Variants in SGCG observed in about 807,000 individuals in gnomAD.
SGCG encodes the protein sarcoglycan gamma.
In SGCG, 26 loss-of-function variants were observed where a neutral mutation model predicts 29.3. The ratio of observed to expected loss-of-function variants is 0.89; its 90% CI spans 0.65 to 1.23. The LOEUF is 1.23. SGCG is among the 50% of genes most tolerant of loss of function. The pLI is 0.00. For synonymous variants in SGCG, 145 were observed against 129.7 expected (o/e 1.12, Z -0.80); for missense variants, 353 against 356.0 (o/e 0.99, Z 0.07).
chr13:23,312,849 G>T (rs186010480), intron 6 of SGCG, among the ~76,000 whole-genome samples: 2 of 151,768 alleles, frequency 1.3e-5, no homozygotes, highest in Non-Finnish European at 2.9e-5. Flanking sequence ...CCAAAAACAT[G>T]TATTAGGTAA....
intron 2 of SGCG, among the ~76,000 whole-genome samples, chr13:23,230,965 A>G (rs962493940): frequency 2.6e-5 from 4 of 152,316 alleles, no homozygotes; most frequent in East Asian, 1.9e-4. Flanking sequence ...TGTTCCTTCA[A>G]TACTTAGTTT....
intron 6 of SGCG, among the ~76,000 whole-genome samples, chr13:23,299,779 C>T (rs1882080808): frequency 6.6e-6 from 1 of 152,058 alleles, no homozygotes; most frequent in African/African-American, 2.4e-5. Context: ...ATGGCAAAAT[C>T]ATTTGCAAGG....
intron 3 of SGCG, among the ~76,000 whole-genome samples, chr13:23,237,911 T>C (rs143748740): frequency 1.3e-5 from 2 of 151,814 alleles, no homozygotes; most frequent in Non-Finnish European, 2.9e-5. Context: ...CTCAAAGAGA[T>C]AAAGCTATTT....
intron 2 of SGCG, among the ~76,000 whole-genome samples, chr13:23,215,095 G>A (rs1878376907): frequency 6.6e-6 from 1 of 152,056 alleles, no homozygotes; most frequent in South Asian, 2.1e-4. Context: ...CCATATTACA[G>A]CAATTGGGAA....
chr13:23,218,817 T>A (rs1340433761), intron 2 of SGCG, among the ~76,000 whole-genome samples: 3 of 151,898 alleles, frequency 2.0e-5, no homozygotes, highest in African/African-American at 7.2e-5. Flanking sequence ...GAAATAAGTA[T>A]ATCCATTTGA....
rs34211778 is a variant in SGCG, at chr13:23,226,428, CA to C, written c.196-8173del. On this transcript the variant is annotated intron_variant, in intron 2 of 7. Transcript: ENST00000218867. ...CTGTATAATATCTGTAGGCTGAGAG[CA>C]AAAAAAAAACACTGATGAAAGACAT... Among the ~76,000 whole-genome samples the C allele has an allele frequency of 1.1e-3, 159 of 143,214 alleles. No individual in the cohort carries two copies. In the East Asian group the frequency reaches 0.023, roughly 21 times the overall value. The allele number at this position is 143,214 out of a possible 152,430, so 94.0% of individuals were successfully genotyped here. A position where few individuals can be genotyped will look rare whatever the true frequency, so the allele number is the denominator to read the frequency against.
intron 5 of SGCG, among the ~76,000 whole-genome samples, chr13:23,284,343 A>G (rs867054445): frequency 4.1e-4 from 63 of 151,862 alleles, no homozygotes; most frequent in Middle Eastern, 6.8e-3. Context: ...TTCATGCTTT[A>G]TTTGATTAAG....
chr13:23,257,651 G>A (rs570323160), intron 4 of SGCG, among the ~76,000 whole-genome samples: 2 of 152,216 alleles, frequency 1.3e-5, no homozygotes, highest in East Asian at 1.9e-4. Flanking sequence ...TATTGCCTAG[G>A]TTTTCTTCTA....
chr13:23,279,319 T>C (rs753050222), intron 4 of SGCG, 40 bp from the exon 5 acceptor site: 1 of 1,598,228 alleles, frequency 6.3e-7, no homozygotes, highest in Non-Finnish European at 8.6e-7. Flanking sequence ...GGACACTGCT[T>C]GTAGTGAACA....
the SGCG span, among the ~76,000 whole-genome samples, chr13:23,174,237 G>C: frequency 4.6e-5 from 7 of 152,158 alleles, no homozygotes; most frequent in Admixed American, 4.6e-4. Flanking sequence ...AGCTGTGGGA[G>C]CCTCAACCTG....
intron 6 of SGCG, among the ~76,000 whole-genome samples, chr13:23,307,830 C>G (rs900287727): frequency 6.6e-6 from 1 of 152,038 alleles, no homozygotes; most frequent in African/African-American, 2.4e-5. Context: ...TATTAAAATG[C>G]AGGCATTTAT....
intron 1 of SGCG, among the ~76,000 whole-genome samples, chr13:23,184,203 TA>T (rs1224360276): frequency 2.6e-5 from 4 of 152,216 alleles, no homozygotes; most frequent in Non-Finnish European, 5.9e-5. Flanking sequence ...CCACGTTTGA[TA>T]AAAAACTTAA....
At chr13:23,190,542 A>G (rs1382229856) in intron 1 of SGCG, among the ~76,000 whole-genome samples, 3 of 152,188 alleles carry the variant, frequency 2.0e-5, no homozygotes, top group African/African-American at 4.8e-5. Context: ...ACCTGCATAT[A>G]TTGGGGGTGC....
At chr13:23,213,641 T>A (rs1051416707) in intron 2 of SGCG, among the ~76,000 whole-genome samples, 3 of 152,246 alleles carry the variant, frequency 2.0e-5, no homozygotes, top group Non-Finnish European at 4.4e-5. Context: ...TTTACAAATA[T>A]ATTTTATAAA....
At chr13:23,244,688 C>T (rs1400515498) in intron 3 of SGCG, 3 of 152,024 alleles carry the variant, frequency 2.0e-5, no homozygotes, top group Non-Finnish European at 4.4e-5. Flanking sequence ...TTCAGGTGAC[C>T]ATTTGGGGCA....
At chr13:23,242,695 C>T (rs1187513390) in intron 3 of SGCG, among the ~76,000 whole-genome samples, 2 of 151,858 alleles carry the variant, frequency 1.3e-5, no homozygotes, top group African/African-American at 4.8e-5. Flanking sequence ...ACTGAAAATC[C>T]CTTATGTAAA....
intron 1 of SGCG, among the ~76,000 whole-genome samples, chr13:23,194,553 G>A (rs1176492284): frequency 1.3e-5 from 2 of 152,212 alleles, no homozygotes; most frequent in Non-Finnish European, 2.9e-5. Flanking sequence ...GCGGAGGGAT[G>A]AATGTTGGCA....
chr13:23,264,338 C>T (rs77290675), intron 4 of SGCG, among the ~76,000 whole-genome samples: 1 of 145,800 alleles, frequency 6.9e-6, no homozygotes, highest in Non-Finnish European at 1.5e-5. Flanking sequence ...ACAATGGTTA[C>T]AAAAAAAAAA....
In SGCG at chr13:23,324,027, A is replaced by C. The variant is rs1883141534; in HGVS notation, c.703-341A>C. Among the ~76,000 whole-genome samples, 7 of 152,228 alleles carry C rather than the reference A, an allele frequency of 4.6e-5. No homozygotes were observed. The South Asian group carries it at 1.4e-3, about 31-fold the overall frequency. On this transcript the variant is annotated intron_variant, in intron 7 of 7. Coordinates refer to ENST00000218867, the MANE Select transcript of SGCG (RefSeq NM_000231.3). ...GGCGTTTTGAGAAGCATAGCATCAC[A>C]AAACTGAAAAGCAACCCAGTTTATT...
Sources: gnomAD v4.1 joint callset for allele counts (sites outside exome capture counted in the v4.1 genomes callset) on GRCh38, gnomAD v4.1.1 for gene constraint, MANE v1.5 for transcripts, NCBI Gene and HGNC (gene_info 2026-07-23, HGNC 2026-07-21) for gene names.